Variants in PPFIA2 observed in about 807,000 individuals in gnomAD.
The protein encoded by PPFIA2 is PPFI scaffold protein A2.
Under a neutral mutation model 175.5 loss-of-function variants are expected in PPFIA2, and 46 were observed. The ratio of observed to expected loss-of-function variants is 0.26; its 90% CI spans 0.21 to 0.34. The LOEUF is 0.34. Among genes scored for constraint, PPFIA2 ranks in the 10% least tolerant of loss-of-function variants. PPFIA2 has a pLI of 1.00. For missense variants in PPFIA2, 1,179 were observed against 1,506.1 expected (o/e 0.78, Z 3.60); for synonymous variants, 568 against 511.4 (o/e 1.11, Z -1.49).
intron 4 of PPFIA2, among the ~76,000 whole-genome samples, chr12:81,591,170 G>T (rs1016564081): frequency 1.3e-5 from 2 of 149,048 alleles, no homozygotes; most frequent in African/African-American, 5.0e-5. Flanking sequence ...TTAGCAAAGA[G>T]ACTGGTGGCA....
intron 3 of PPFIA2, among the ~76,000 whole-genome samples, chr12:81,741,006 G>A (rs1047065053): frequency 6.6e-6 from 1 of 152,040 alleles, no homozygotes; most frequent in African/African-American, 2.4e-5. Flanking sequence ...TGTCAAAAGT[G>A]GCTTAGTTTA....
rs1414860603 is a variant in PPFIA2, at chr12:81,281,457, T to C, written c.3019-7A>G. 1 of 1,583,908 alleles carries C rather than the reference T, an allele frequency of 6.3e-7. No homozygotes were observed. The highest frequency in any genetic ancestry group is 8.6e-7 in the Non-Finnish European group (1 of 1,157,818). ...TCTGTAGAAAAACCGGACACTAGAATTGTTTTATAGCAGTCAAGTTTCTTA... is the reference window on the plus strand; with the variant it reads ...TCTGTAGAAAAACCGGACACTAGAACTGTTTTATAGCAGTCAAGTTTCTTA... On this transcript the variant is annotated splice_polypyrimidine_tract_variant and splice_region_variant and intron_variant, in intron 26 of 32. Transcript: ENST00000549396.
chr12:81,275,368 T>C (rs1402273077), intron 28 of PPFIA2, among the ~76,000 whole-genome samples: 1 of 152,236 alleles, frequency 6.6e-6, no homozygotes, highest in Non-Finnish European at 1.5e-5. Context: ...CGTAGAAAAC[T>C]ATTTTTAACC....
chr12:81,649,287 G>C (rs1379953478), intron 4 of PPFIA2, among the ~76,000 whole-genome samples: 1 of 152,060 alleles, frequency 6.6e-6, no homozygotes, highest in Non-Finnish European at 1.5e-5. Flanking sequence ...ACTTTAATGG[G>C]CATATAGACA....
Position 81,375,833 on chromosome 12 carries a change from T to C in PPFIA2, c.1094A>G (p.Glu365Gly). The change falls in exon 10 of 33, where the codon GAA becomes GGA. Residue 365 changes from glutamate to glycine, a missense_variant. Physicochemically the swap from Glu to Gly is moderately conservative, Grantham distance 98 (BLOSUM62 -2). Transcript: ENST00000549396. ...TSIHDMNDKL[E>G]NELANKEAIL... ...AGCTTCTTTATTTGCTAACTCATTTTCTAGTTTATCATTCATGTCATGTAT... is the reference window on the plus strand; with the variant it reads ...AGCTTCTTTATTTGCTAACTCATTTCCTAGTTTATCATTCATGTCATGTAT... The C allele has an allele frequency of 6.2e-7, 1 of 1,609,754 alleles. No individual in the cohort carries two copies. Among genetic ancestry groups the C allele is most frequent in the Non-Finnish European group, 8.5e-7 (1 of 1,176,280 alleles).
At chr12:81,554,711 T>C (rs973011268) in intron 4 of PPFIA2, among the ~76,000 whole-genome samples, 9 of 152,068 alleles carry the variant, frequency 5.9e-5, no homozygotes, top group Non-Finnish European at 1.2e-4. Flanking sequence ...AGAACAACGA[T>C]TGTATTCCAA....
At chr12:81,603,630 G>A (rs1259408047) in intron 4 of PPFIA2, among the ~76,000 whole-genome samples, 4 of 151,258 alleles carry the variant, frequency 2.6e-5, no homozygotes, top group African/African-American at 9.7e-5. Context: ...TGACTTCATG[G>A]GCTACATTAC....
At chr12:81,561,734 T>C (rs1206125235) in intron 4 of PPFIA2, among the ~76,000 whole-genome samples, 3 of 152,126 alleles carry the variant, frequency 2.0e-5, no homozygotes, top group Admixed American at 6.5e-5. Flanking sequence ...TTCGGTTTCT[T>C]ATGTGAAAGC....
Position 81,440,036 on chromosome 12 carries a change from C to T in PPFIA2, c.581G>A (p.Arg194Gln), listed in dbSNP as rs1245042875. Residue 194 changes from arginine (R) to glutamine (Q), a missense_variant, in exon 7 of 33, where the codon CGA (arginine) becomes CAA (glutamine). This residue lies in a region of PPFIA2 where 49 missense variants were observed against 108.9 expected (regional missense o/e 0.45). Transcript: ENST00000549396. ...GACTCTTTCTAAAGAAACCCTCAGT[C>T]GCTCCCTTACCTAGAAGAAAAATCA... The part of the protein sequence containing the change: ...HKALDEKVRE[R>Q]LRVSLERVSA... The T allele has an allele frequency of 1.2e-6, 2 of 1,601,662 alleles. No individual in the cohort carries two copies. The highest frequency in any genetic ancestry group is 1.1e-5 in the South Asian group (1 of 88,790).
intron 5 of PPFIA2, among the ~76,000 whole-genome samples, chr12:81,448,309 C>A (rs74104280): frequency 0.012 from 1,866 of 152,240 alleles, 40 homozygotes; most frequent in African/African-American, 0.043. Flanking sequence ...CACTCTCTTT[C>A]ATGCTCCCTC....
intron 4 of PPFIA2, among the ~76,000 whole-genome samples, chr12:81,566,548 A>AAAAAAAAAG (rs2071354604): frequency 6.6e-6 from 1 of 150,964 alleles, no homozygotes; most frequent in African/African-American, 2.4e-5. Flanking sequence ...AAAAAAAAAA[A>AAAAAAAAAG]AAAAGAAAAG....
chr12:81,614,231 A>G (rs763311280), intron 4 of PPFIA2, among the ~76,000 whole-genome samples: 3 of 152,110 alleles, frequency 2.0e-5, no homozygotes, highest in Admixed American at 1.3e-4. Flanking sequence ...GAAATATGAC[A>G]TTAATGAAAA....
intron 6 of PPFIA2, 21 bp from the exon 7 acceptor site, chr12:81,440,067 T>C (rs1184009909): frequency 1.3e-5 from 20 of 1,544,380 alleles, no homozygotes; most frequent in Non-Finnish European, 1.7e-5. Flanking sequence ...AATCAAAATA[T>C]GTGCAGTAAT....
chr12:81,321,026 A>G (rs1594769522), intron 22 of PPFIA2, among the ~76,000 whole-genome samples: 1 of 150,858 alleles, frequency 6.6e-6, no homozygotes, highest in African/African-American at 2.5e-5. Context: ...TCTGAACACC[A>G]AAGATAAAGC....
chr12:81,632,603 C>T (rs1359826487), intron 4 of PPFIA2, among the ~76,000 whole-genome samples: 2 of 152,008 alleles, frequency 1.3e-5, no homozygotes, highest in Non-Finnish European at 2.9e-5. Flanking sequence ...TCATTCTTGC[C>T]CTCTTTGCCT....
intron 28 of PPFIA2, among the ~76,000 whole-genome samples, chr12:81,272,752 ACTT>A (rs1275803558): frequency 1.3e-5 from 2 of 152,148 alleles, no homozygotes; most frequent in Non-Finnish European, 2.9e-5. Context: ...CTGAATGTCA[ACTT>A]CTTCTTAAAA....
intron 3 of PPFIA2, among the ~76,000 whole-genome samples, chr12:81,705,147 T>C (rs1240220408): frequency 6.9e-6 from 1 of 145,748 alleles, no homozygotes; most frequent in Non-Finnish European, 1.5e-5. Flanking sequence ...CCTGGTGTAT[T>C]GTTACAAAAA....
chr12:81,471,339 ATTTT>A (rs2146305150), intron 4 of PPFIA2: 1 of 151,282 alleles, frequency 6.6e-6, no homozygotes. Flanking sequence ...TTATTTATTT[ATTTT>A]GGTAAAAAAG....
intron 4 of PPFIA2, among the ~76,000 whole-genome samples, chr12:81,635,977 T>C (rs190509435): frequency 6.6e-6 from 1 of 152,280 alleles, no homozygotes; most frequent in East Asian, 1.9e-4. Flanking sequence ...AACAAAGATA[T>C]CTTGTATTAG....
Sources: gnomAD v4.1 joint callset for allele counts (sites outside exome capture counted in the v4.1 genomes callset) on GRCh38, gnomAD v4.1.1 for gene constraint, gnomAD v4.1.1 regional missense constraint, MANE v1.5 for transcripts, NCBI Gene and HGNC (gene_info 2026-07-23, HGNC 2026-07-21) for gene names.